Variants in KCNIP4 observed in about 807,000 individuals in gnomAD.
KCNIP4 encodes the protein Kv channel-interacting protein 4.
Under a neutral mutation model 34.0 loss-of-function variants are expected in KCNIP4, and 12 were observed. The ratio of observed to expected loss-of-function variants is 0.35; its 90% CI spans 0.23 to 0.57. The LOEUF is 0.57. Ranked by LOEUF, KCNIP4 falls within the 20% of genes least tolerant of loss-of-function variation. KCNIP4 has a pLI of 0.83. For missense variants in KCNIP4, 238 were observed against 311.7 expected (o/e 0.76, Z 1.78); for synonymous variants, 124 against 102.2 (o/e 1.21, Z -1.29).
chr4:21,275,010 A>G (rs1457137231), intron 1 of KCNIP4, among the ~76,000 whole-genome samples: 1 of 152,160 alleles, frequency 6.6e-6, no homozygotes, highest in Non-Finnish European at 1.5e-5. Context: ...TCAAACCTAA[A>G]GCCATTACTC....
intron 1 of KCNIP4, among the ~76,000 whole-genome samples, chr4:21,107,229 G>C (rs201356315): frequency 0.24 from 32,164 of 135,734 alleles, 4,387 homozygotes; most frequent in African/African-American, 0.34. Context: ...TTGTGTGGGA[G>C]TCTAAGTCTC....
At chr4:21,270,376 C>G (rs187728895) in intron 1 of KCNIP4, among the ~76,000 whole-genome samples, 3 of 146,956 alleles carry the variant, frequency 2.0e-5, no homozygotes, top group Admixed American at 1.4e-4. Context: ...TGCAGACATA[C>G]ACTCAGACTC....
At chr4:21,512,298 G>A (rs1289834002) in intron 1 of KCNIP4, among the ~76,000 whole-genome samples, 1 of 152,088 alleles carries the variant, frequency 6.6e-6, no homozygotes, top group East Asian at 1.9e-4. Context: ...ATTTTGAACT[G>A]AGTTCATTAC....
At chr4:21,103,231 G>C (rs978910815) in intron 1 of KCNIP4, among the ~76,000 whole-genome samples, 4 of 149,998 alleles carry the variant, frequency 2.7e-5, no homozygotes, top group Admixed American at 6.7e-5. Flanking sequence ...TCAGTTTCTT[G>C]ATCCATCAAA....
intron 1 of KCNIP4, among the ~76,000 whole-genome samples, chr4:21,947,840 G>T (rs1730590418): frequency 6.6e-6 from 1 of 152,164 alleles, no homozygotes; most frequent in Non-Finnish European, 1.5e-5. Flanking sequence ...TGCAACCCAA[G>T]ACGCTTTGTG....
chr4:21,483,575 G>A (rs1434110387), intron 1 of KCNIP4, among the ~76,000 whole-genome samples: 1 of 151,826 alleles, frequency 6.6e-6, no homozygotes, highest in Non-Finnish European at 1.5e-5. Context: ...AGATCATGAG[G>A]TCAGAAGATA....
At chr4:21,679,192 C>T (rs1022767784) in intron 1 of KCNIP4, among the ~76,000 whole-genome samples, 20 of 152,234 alleles carry the variant, frequency 1.3e-4, no homozygotes, top group Admixed American at 1.1e-3. Context: ...GTGATGGCCC[C>T]GTTAAACAAA....
At chr4:21,046,547 G>A (rs1742432695) in intron 1 of KCNIP4, among the ~76,000 whole-genome samples, 2 of 142,676 alleles carry the variant, frequency 1.4e-5, no homozygotes, top group African/African-American at 5.5e-5. Context: ...AAAAAATAAA[G>A]AGAAACTGTT....
intron 1 of KCNIP4, among the ~76,000 whole-genome samples, chr4:21,176,814 C>T (rs889769386): frequency 1.3e-5 from 2 of 152,226 alleles, no homozygotes; most frequent in African/African-American, 4.8e-5. Flanking sequence ...GGCCACCATG[C>T]CCGGCCTTGT....
intron 1 of KCNIP4, among the ~76,000 whole-genome samples, chr4:21,885,885 G>A (rs996227299): frequency 5.9e-5 from 9 of 152,056 alleles, no homozygotes; most frequent in South Asian, 2.1e-4. Context: ...GAGAATATTC[G>A]CACTGAAATC....
Position 21,277,380 on chromosome 4 carries a change from AT to A in KCNIP4, c.62-394672del, listed in dbSNP as rs1261679356. On this transcript the variant is annotated intron_variant, in intron 1 of 8. Transcript: ENST00000382152. ...AGTATAAGGAATTCAGAGGCTACAG[AT>A]TCAGTGCAGGAAACAAACAAAAATA... Among the ~76,000 whole-genome samples the A allele has an allele frequency of 2.0e-5, 3 of 152,232 alleles. No individual in the cohort carries two copies. The East Asian group carries it at 5.8e-4, about 29-fold the overall frequency.
Position 20,988,000 on chromosome 4 carries a change from C to CAA in KCNIP4, c.62-105293_62-105292dup, listed in dbSNP as rs36044149. Among the ~76,000 whole-genome samples, 243 of 46,168 alleles carry CAA rather than the reference C, an allele frequency of 5.3e-3. 19 individuals are homozygous for CAA. Among genetic ancestry groups the CAA allele is most frequent in the Middle Eastern group, 0.016 (1 of 64 alleles). 30.3% of individuals were successfully genotyped at this position (46,168 alleles called of 152,430 possible). On this transcript the variant is annotated intron_variant, in intron 1 of 8. Coordinates refer to ENST00000382152, the MANE Select transcript of KCNIP4 (RefSeq NM_025221.6). Reference sequence around the variant, plus strand: ...TGGGCGACACGGCGAGATTCCATCTCAAAAAAAAAAAAAAAAAAAAAATTA... The same window carrying CAA: ...TGGGCGACACGGCGAGATTCCATCTCAAAAAAAAAAAAAAAAAAAAAAAATTA...
At chr4:20,861,912 A>G (rs1328004503) in intron 2 of KCNIP4, among the ~76,000 whole-genome samples, 1 of 151,782 alleles carries the variant, frequency 6.6e-6, no homozygotes, top group Non-Finnish European at 1.5e-5. Flanking sequence ...TGGAATGCTT[A>G]TTATCAGCAT....
At chr4:20,898,566 G>A (rs1005770291) in intron 1 of KCNIP4, among the ~76,000 whole-genome samples, 5 of 152,170 alleles carry the variant, frequency 3.3e-5, no homozygotes, top group African/African-American at 1.2e-4. Flanking sequence ...ACTTTAGTTA[G>A]TTAGATGTTT....
intron 1 of KCNIP4, among the ~76,000 whole-genome samples, chr4:21,617,350 T>A (rs1464623342): frequency 6.6e-6 from 1 of 152,156 alleles, no homozygotes; most frequent in Admixed American, 6.5e-5. Flanking sequence ...CAGAAAAGAA[T>A]ATGGCAATAA....
chr4:21,544,442 T>C (rs1330963785), intron 1 of KCNIP4: 1 of 152,224 alleles, frequency 6.6e-6, no homozygotes, highest in Non-Finnish European at 1.5e-5. Context: ...CTGCTGAGAA[T>C]CTCACAGGCT....
At chr4:21,926,375 A>G (rs140002445) in intron 1 of KCNIP4, among the ~76,000 whole-genome samples, 104 of 152,314 alleles carry the variant, frequency 6.8e-4, no homozygotes, top group African/African-American at 2.4e-3. Context: ...ATTACTTAGA[A>G]GAAGAGAGTT....
At chr4:21,023,015 G>T (rs1316183026) in intron 1 of KCNIP4, among the ~76,000 whole-genome samples, 2 of 151,994 alleles carry the variant, frequency 1.3e-5, no homozygotes, top group Non-Finnish European at 2.9e-5. Flanking sequence ...TAGAGACAGG[G>T]TTTCACCATG....
chr4:21,302,726 A>G (rs1347802076), intron 1 of KCNIP4, among the ~76,000 whole-genome samples: 2 of 151,778 alleles, frequency 1.3e-5, no homozygotes, highest in African/African-American at 4.8e-5. Context: ...CCCCCGCCCC[A>G]TGAGTTATAA....
Sources: allele counts gnomAD v4.1 joint callset (sites outside exome capture counted in the v4.1 genomes callset), GRCh38; gene constraint gnomAD v4.1.1; transcripts MANE v1.5; gene names NCBI Gene and HGNC (gene_info 2026-07-23, HGNC 2026-07-21).